The following ADCY1 variants were observed in gnomAD, a reference collection of about 807,000 sequenced individuals.
ADCY1 encodes adenylate cyclase 1.
In ADCY1, 28 loss-of-function variants were observed where a neutral mutation model predicts 105.4. That is an observed-to-expected ratio of 0.27 (90% confidence interval 0.20 to 0.36). The LOEUF is 0.36. Among genes scored for constraint, ADCY1 ranks in the 10% least tolerant of loss-of-function variants. ADCY1 has a pLI of 1.00. For synonymous variants in ADCY1, 655 were observed against 623.8 expected, an observed-to-expected ratio of 1.05 and a Z score of -0.75; for missense variants, 977 against 1,434.2, an observed-to-expected ratio of 0.68 and a Z score of 5.15.
intron 4 of ADCY1, among the ~76,000 whole-genome samples, chr7:45,642,388 G>A (rs1174351334): frequency 6.6e-6 from 1 of 152,170 alleles, no homozygotes. Flanking sequence ...TCAGGGGATG[G>A]ACTGGGGATG....
At chr7:45,609,082 TG>T (rs1420557956) in intron 2 of ADCY1, among the ~76,000 whole-genome samples, 1 of 152,240 alleles carries the variant, frequency 6.6e-6, no homozygotes, top group Non-Finnish European at 1.5e-5. Flanking sequence ...GCTGTGCTCA[TG>T]GAATGCTATC....
Position 45,686,075 on chromosome 7 carries a change from T to G in ADCY1, c.2187T>G (p.His729Gln). 2 of 1,612,442 alleles carry G rather than the reference T, an allele frequency of 1.2e-6. No homozygotes were observed. Among genetic ancestry groups the G allele is most frequent in the Middle Eastern group, 1.7e-4 (1 of 6,058 alleles). Residue 729 changes from histidine to glutamine, a missense_variant, in exon 13 of 20, where the codon CAT (histidine) becomes CAG (glutamine). By Grantham distance (24) the His-to-Gln change is conservative (BLOSUM62 0). Coordinates refer to ENST00000297323, the MANE Select transcript of ADCY1 (RefSeq NM_021116.4). The surrounding 1 kb of genome is among the most constrained non-coding windows in gnomAD (Gnocchi z 4.3). The stretch of plus-strand genomic sequence containing the variant: ...CCCTGCCCTGCGAGTCTACACACCA[T>G]GCCCTGCTCTGCTGCCTGGTGGGCA... Reference protein sequence around the residue: ...LPTLPCESTHHALLCCLVGTL... With the variant: ...LPTLPCESTHQALLCCLVGTL...
intron 8 of ADCY1, among the ~76,000 whole-genome samples, chr7:45,676,814 C>T (rs558985829): frequency 6.6e-6 from 1 of 150,908 alleles, no homozygotes; most frequent in South Asian, 2.1e-4. Flanking sequence ...TCTTTGCTGG[C>T]CTGGGTGGAG....
intron 4 of ADCY1, among the ~76,000 whole-genome samples, chr7:45,638,136 A>G (rs1000571133): frequency 4.6e-5 from 7 of 152,202 alleles, no homozygotes; most frequent in Non-Finnish European, 1.0e-4. Flanking sequence ...TTGTAAAAAC[A>G]AAAAACAAAA....
At chr7:45,693,534 G>A (rs1784821984) in intron 14 of ADCY1, among the ~76,000 whole-genome samples, 1 of 148,082 alleles carries the variant, frequency 6.8e-6, no homozygotes, top group South Asian at 2.3e-4. Context: ...TCTATTCAGA[G>A]ATTCAACTTC....
At chr7:45,687,715 G>C (rs1455726392) in intron 14 of ADCY1, among the ~76,000 whole-genome samples, 1 of 152,238 alleles carries the variant, frequency 6.6e-6, no homozygotes, top group East Asian at 1.9e-4. Flanking sequence ...TAGGAGCTGG[G>C]ATTACAGACA....
chr7:45,584,585 T>C (rs1245558204), intron 1 of ADCY1, among the ~76,000 whole-genome samples: 2 of 152,252 alleles, frequency 1.3e-5, no homozygotes, highest in Non-Finnish European at 2.9e-5. Context: ...TCCCTGGACA[T>C]GGTCCTTCTA....
chr7:45,616,144 A>G (rs1793731539), intron 3 of ADCY1, among the ~76,000 whole-genome samples: 1 of 152,358 alleles, frequency 6.6e-6, no homozygotes, highest in African/African-American at 2.4e-5. Context: ...TAAGAAGTAG[A>G]AAGTTTGAAC....
At chr7:45,702,825 C>T (rs1443246105) in intron 14 of ADCY1, among the ~76,000 whole-genome samples, 1 of 152,236 alleles carries the variant, frequency 6.6e-6, no homozygotes, top group African/African-American at 2.4e-5. Flanking sequence ...AGTCGGCACT[C>T]AGATGAGCTC....
intron 14 of ADCY1, among the ~76,000 whole-genome samples, chr7:45,699,098 C>T (rs1202438952): frequency 6.6e-6 from 1 of 152,200 alleles, no homozygotes; most frequent in Non-Finnish European, 1.5e-5. Context: ...CAGCCAGTGC[C>T]CTGCCTGGGA....
intron 4 of ADCY1, among the ~76,000 whole-genome samples, chr7:45,638,684 G>A (rs1026526976): frequency 6.6e-6 from 1 of 152,066 alleles, no homozygotes; most frequent in Non-Finnish European, 1.5e-5. Context: ...TGAAGTAGGA[G>A]CATGTGAGAT....
rs541754277 is a variant in ADCY1 at position 45,664,119 on chromosome 7, C to A, written c.1605+1905C>A. Among the ~76,000 whole-genome samples, 3 of 152,250 alleles carry A rather than the reference C, an allele frequency of 2.0e-5. No homozygotes were observed. The South Asian group carries it at 6.2e-4, about 32-fold the overall frequency. Reference sequence around the variant, plus strand: ...CTGGGGGCTGGTGGAGGGTGAGGAACCTGATCAGATAGGTGGGGGATGGGA... The same window carrying A: ...CTGGGGGCTGGTGGAGGGTGAGGAAACTGATCAGATAGGTGGGGGATGGGA... On this transcript the variant is annotated intron_variant, in intron 8 of 19. Coordinates refer to ENST00000297323, the MANE Select transcript of ADCY1 (RefSeq NM_021116.4).
intron 14 of ADCY1, among the ~76,000 whole-genome samples, chr7:45,695,442 A>C (rs1452648163): frequency 6.6e-6 from 1 of 152,302 alleles, no homozygotes; most frequent in East Asian, 1.9e-4. Flanking sequence ...CATGCATGAC[A>C]TGTCTCAGAA....
Position 45,714,311 on chromosome 7 carries a change from T to G in ADCY1, c.*316T>G. On this transcript the variant is annotated 3_prime_UTR_variant, in exon 20 of 20. Transcript: ENST00000297323. ...TCTTTCCAGCAAGCCTGTTCAGGTT[T>G]GGCCAGGTCGGCATCAATGTAAGGA... 1 of 383,732 alleles carries G rather than the reference T, an allele frequency of 2.6e-6. No individual in the cohort carries two copies. The allele number at this position is 383,732 out of a possible 1,614,324, so 23.8% of individuals were successfully genotyped here. A position where few individuals can be genotyped will look rare whatever the true frequency, so the allele number is the denominator to read the frequency against.
chr7:45,643,310 A>G (rs566709987), intron 4 of ADCY1, among the ~76,000 whole-genome samples: 5 of 150,284 alleles, frequency 3.3e-5, no homozygotes, highest in African/African-American at 1.2e-4. Flanking sequence ...ATGAGTTTAT[A>G]TTGATATTTC....
At chr7:45,648,841 C>T (rs972317411) in intron 5 of ADCY1, 44 bp downstream of exon 5, 7 of 1,603,380 alleles carry the variant, frequency 4.4e-6, no homozygotes, top group Non-Finnish European at 6.0e-6. Flanking sequence ...GGGGCATCTA[C>T]ACATTGAAAT....
Position 45,708,915 on chromosome 7 carries a change from A to G in ADCY1, c.2932+451A>G, listed in dbSNP as rs1785173688. Reference sequence around the variant, plus strand: ...CCCTCACCTGTGTCGTGAGGAGGAAAAACCATTGGATGCCCCAGTTCCTTT... The same window carrying G: ...CCCTCACCTGTGTCGTGAGGAGGAAGAACCATTGGATGCCCCAGTTCCTTT... On this transcript the variant is annotated intron_variant, in intron 18 of 19. Transcript: ENST00000297323. The surrounding 1 kb of genome is among the most constrained non-coding windows in gnomAD (Gnocchi z 4.7). Among the ~76,000 whole-genome samples the G allele has an allele frequency of 1.3e-5, 2 of 151,964 alleles. No homozygotes were observed. Among genetic ancestry groups the G allele is most frequent in the African/African-American group, 4.8e-5 (2 of 41,398 alleles).
chr7:45,655,720 T>C (rs1584307740), intron 5 of ADCY1, among the ~76,000 whole-genome samples: 1 of 152,262 alleles, frequency 6.6e-6, no homozygotes, highest in East Asian at 1.9e-4. Context: ...AGGTGCCACT[T>C]GCTAGGAGCC....
intron 2 of ADCY1, among the ~76,000 whole-genome samples, chr7:45,602,543 G>T (rs1295865791): frequency 3.3e-5 from 5 of 152,174 alleles, no homozygotes; most frequent in African/African-American, 1.2e-4. Context: ...CAAGGTAAAT[G>T]GAACAATTTT....
Sources: gnomAD v4.1 joint callset for allele counts (sites outside exome capture counted in the v4.1 genomes callset) on GRCh38, gnomAD v4.1.1 for gene constraint, Gnocchi (gnomAD v3.1) non-coding constraint, MANE v1.5 for transcripts, NCBI Gene and HGNC (gene_info 2026-07-23, HGNC 2026-07-21) for gene names.